SMYD3: variants seen among roughly 807,000 people sequenced by gnomAD.
The protein encoded by SMYD3 is histone-lysine N-methyltransferase SMYD3.
Under a neutral mutation model 57.7 loss-of-function variants are expected in SMYD3, and 36 were observed. That is an observed-to-expected ratio of 0.62 (90% CI 0.48 to 0.82). The LOEUF (loss-of-function observed/expected upper bound fraction) is 0.82, where lower values mean the gene tolerates loss of function less well. Ranked by LOEUF, SMYD3 falls within the 40% of genes least tolerant of loss-of-function variation. SMYD3 has a pLI of 0.00. For missense variants in SMYD3, 515 were observed against 538.8 expected (o/e 0.96, Z 0.44); for synonymous variants, 211 against 195.0 (o/e 1.08, Z -0.68).
At chr1:246,468,576 G>C (rs568283230) in intron 1 of SMYD3, among the ~76,000 whole-genome samples, 2 of 151,328 alleles carry the variant, frequency 1.3e-5, no homozygotes, top group African/African-American at 4.8e-5. Context: ...AGGAGGCAGA[G>C]GTTGCAGTGG....
chr1:246,272,979 T>A (rs995360983), intron 5 of SMYD3, among the ~76,000 whole-genome samples: 2 of 152,102 alleles, frequency 1.3e-5, no homozygotes, highest in African/African-American at 4.8e-5. Context: ...ATAGGTCCAT[T>A]CAGATTTTCA....
At chr1:246,153,509 C>T (rs1466710159) in intron 5 of SMYD3, among the ~76,000 whole-genome samples, 1 of 152,052 alleles carries the variant, frequency 6.6e-6, no homozygotes, top group African/African-American at 2.4e-5. Context: ...ACTCTGTCAC[C>T]CAGGCTGGAG....
In SMYD3 at chr1:246,048,245, A is replaced by T. The variant is rs1478805655; in HGVS notation, c.532-118308T>A. 2.0e-5 allele frequency among the ~76,000 whole-genome samples: 3 copies of T among 152,246 alleles called. No individual in the cohort carries two copies. The East Asian group carries it at 5.8e-4, about 29-fold the overall frequency. ...TAGATTGGAAAAATATTTCATTTCA[A>T]GCATTTCACTGGTAAAATACATTGT... On this transcript the variant is annotated intron_variant, in intron 5 of 11. Transcript: ENST00000490107.
intron 7 of SMYD3, among the ~76,000 whole-genome samples, chr1:245,923,439 C>T (rs2056134768): frequency 6.6e-6 from 1 of 152,158 alleles, no homozygotes; most frequent in African/African-American, 2.4e-5. Flanking sequence ...TCAGCTAAAC[C>T]AAGGTCTGTG....
intron 8 of SMYD3, among the ~76,000 whole-genome samples, chr1:245,896,389 C>CAAAAAAAAAAAAAAAAA (rs3052904): frequency 1.4e-5 from 1 of 73,724 alleles, no homozygotes; most frequent in African/African-American, 6.9e-5. Context: ...TTTGCCAAGT[C>CAAAAAAAAAAAAAAAAA]AAAAAAAAAA....
At chr1:245,810,819 T>C (rs1468252250) in intron 10 of SMYD3, among the ~76,000 whole-genome samples, 1 of 152,130 alleles carries the variant, frequency 6.6e-6, no homozygotes, top group Non-Finnish European at 1.5e-5. Flanking sequence ...ATGGGCACGA[T>C]GCTGAAAAGA....
chr1:245,807,143 G>A (rs982791336), intron 10 of SMYD3, among the ~76,000 whole-genome samples: 1 of 151,942 alleles, frequency 6.6e-6, no homozygotes, highest in African/African-American at 2.4e-5. Flanking sequence ...CTGGAAAATG[G>A]CAAGTCCTGC....
At chr1:245,897,587 C>T (rs951612282) in intron 8 of SMYD3, among the ~76,000 whole-genome samples, 1 of 152,112 alleles carries the variant, frequency 6.6e-6, no homozygotes, top group African/African-American at 2.4e-5. Flanking sequence ...CTTCTAGTTA[C>T]CTCTTTTATT....
intron 1 of SMYD3, among the ~76,000 whole-genome samples, chr1:246,471,719 TC>T (rs1178792206): frequency 6.6e-6 from 1 of 152,244 alleles, no homozygotes; most frequent in African/African-American, 2.4e-5. Context: ...TCATCAGGGA[TC>T]CCCTGAGTAA....
intron 5 of SMYD3, chr1:246,178,891 T>C (rs1245109888): frequency 6.6e-6 from 1 of 151,718 alleles, no homozygotes; most frequent in East Asian, 1.9e-4. Context: ...GCGATCCCTA[T>C]GAGGAGCACG....
chr1:246,003,000 G>T (rs572376621), intron 5 of SMYD3, among the ~76,000 whole-genome samples: 85 of 152,278 alleles, frequency 5.6e-4, no homozygotes, highest in Middle Eastern at 6.8e-3. Flanking sequence ...ACCGCACGAT[G>T]TAAGTGCGTT....
rs536395635 is a variant in SMYD3 at position 245,852,507 on chromosome 1, A to T, written c.1076+5989T>A. On this transcript the variant is annotated intron_variant, in intron 10 of 11. Coordinates refer to ENST00000490107, the MANE Select transcript of SMYD3 (RefSeq NM_001167740.2). ...TTCCAAGAAAAGAAGAGCCAGAGAA[A>T]TCGGTCATAATGTTCTCCATTACCT... Among the ~76,000 whole-genome samples the T allele has an allele frequency of 3.3e-5, 5 of 152,348 alleles. No homozygotes were observed. The South Asian group carries it at 1.0e-3, about 32-fold the overall frequency.
Position 246,401,728 on chromosome 1 carries a change from T to A in SMYD3, c.165-46634A>T, listed in dbSNP as rs1306844107. Among the ~76,000 whole-genome samples the A allele has an allele frequency of 0.016, 4 of 246 alleles. No homozygotes were observed. The Admixed American group carries it at 0.33, about 20-fold the overall frequency. The allele number at this position is 246 out of a possible 152,430, so 0.2% of individuals were successfully genotyped here. On this transcript the variant is annotated intron_variant, in intron 1 of 11. Transcript: ENST00000490107. ...TCTTAAATCCCAGTAATTCAGGTGC[T>A]TTTTTTTTTTTTTGAGCCAGTTTCA...
chr1:246,069,077 C>A lies in SMYD3; in HGVS notation c.532-139140G>T, dbSNP rs537785134. Among the ~76,000 whole-genome samples the A allele has an allele frequency of 3.2e-4, 49 of 152,280 alleles. No homozygotes were observed. The South Asian group carries it at 9.2e-3, about 28-fold the overall frequency. ...AAAGGCGACCAACTACATAGAACAT[C>A]ATTTAGATTCTCTCCAATTTTGAGA... On this transcript the variant is annotated intron_variant, in intron 5 of 11. Transcript: ENST00000490107.
Position 246,359,339 on chromosome 1 carries a change from A to G in SMYD3, c.165-4245T>C, listed in dbSNP as rs186878339. Among the ~76,000 whole-genome samples the G allele has an allele frequency of 5.3e-5, 8 of 152,290 alleles. No homozygotes were observed. In the East Asian group the frequency reaches 1.4e-3, roughly 26 times the overall value. Reference sequence around the variant, plus strand: ...TAATTCTTTAAAAATTGCCAACAAGAAAAGTCTAGGACCATAAGGATTCAC... The same window carrying G: ...TAATTCTTTAAAAATTGCCAACAAGGAAAGTCTAGGACCATAAGGATTCAC... On this transcript the variant is annotated intron_variant, in intron 1 of 11. Transcript: ENST00000490107.
intron 5 of SMYD3, among the ~76,000 whole-genome samples, chr1:246,129,395 C>A (rs887657292): frequency 1.3e-4 from 20 of 149,064 alleles, no homozygotes; most frequent in African/African-American, 5.0e-4. Flanking sequence ...ATTTATTCAT[C>A]AAATACAGTA....
chr1:246,001,569 C>G (rs888711581), intron 5 of SMYD3, among the ~76,000 whole-genome samples: 2 of 152,140 alleles, frequency 1.3e-5, no homozygotes, highest in Non-Finnish European at 2.9e-5. Flanking sequence ...TGTTTCTCAT[C>G]ATGTGGTCGC....
At chr1:246,161,129 C>T (rs569110793) in intron 5 of SMYD3, among the ~76,000 whole-genome samples, 6 of 152,270 alleles carry the variant, frequency 3.9e-5, no homozygotes, top group South Asian at 2.1e-4. Context: ...CTCCACCCTG[C>T]GCCTCATTTG....
chr1:246,320,681 A>G (rs530432668), intron 5 of SMYD3, among the ~76,000 whole-genome samples: 2 of 152,330 alleles, frequency 1.3e-5, no homozygotes, highest in South Asian at 4.1e-4. Flanking sequence ...AGAAAGTTAT[A>G]AGCCCAGAAA....
Sources: gnomAD v4.1 joint callset for allele counts (sites outside exome capture counted in the v4.1 genomes callset) on GRCh38, gnomAD v4.1.1 for gene constraint, MANE v1.5 for transcripts, NCBI Gene and HGNC (gene_info 2026-07-23, HGNC 2026-07-21) for gene names.